The following RIMS1 variants were observed in gnomAD, a reference collection of about 807,000 sequenced individuals.
RIMS1 encodes the protein regulating synaptic membrane exocytosis 1.
RIMS1 carries 83 observed loss-of-function variants against 214.1 expected under a neutral mutation model. The ratio of observed to expected loss-of-function variants is 0.39; its 90% CI spans 0.32 to 0.47. The LOEUF is 0.47. RIMS1 is among the 20% of genes least tolerant of loss of function. The pLI is 0.99. For missense variants in RIMS1, 2,050 were observed against 2,161.8 expected, an observed-to-expected ratio of 0.95 and a Z score of 1.03; for synonymous variants, 793 against 786.8, an observed-to-expected ratio of 1.01 and a Z score of -0.13.
chr6:72,302,865 T>C (rs1165682989), intron 26 of RIMS1, among the ~76,000 whole-genome samples: 3 of 151,232 alleles, frequency 2.0e-5, no homozygotes, highest in Admixed American at 6.6e-5. Flanking sequence ...TCTGTCCTTT[T>C]ACAGTCATAT....
chr6:72,110,055 A>C (rs1442397967), intron 4 of RIMS1, among the ~76,000 whole-genome samples: 3 of 151,600 alleles, frequency 2.0e-5, no homozygotes, highest in Non-Finnish European at 4.4e-5. Flanking sequence ...TGTTCCATTT[A>C]TCTATATCTC....
chr6:72,099,856 T>C, intron 3 of RIMS1, 119 bp from the exon 4 acceptor site: 1 of 747,090 alleles, frequency 1.3e-6, no homozygotes, highest in Non-Finnish European at 2.3e-6. Flanking sequence ...TGTGCTTTAA[T>C]ACTTTGAAGA....
chr6:72,147,309 GA>G (rs1399903016), intron 4 of RIMS1, among the ~76,000 whole-genome samples: 2 of 152,130 alleles, frequency 1.3e-5, no homozygotes, highest in Non-Finnish European at 2.9e-5. Context: ...CAGAGAGACA[GA>G]AAATTGAGTA....
intron 23 of RIMS1, among the ~76,000 whole-genome samples, chr6:72,283,506 A>G (rs2091132273): frequency 1.3e-5 from 2 of 151,510 alleles, no homozygotes; most frequent in Admixed American, 6.6e-5. Flanking sequence ...TGATTTTAAT[A>G]CTTTATATAA....
At chr6:71,961,930 G>A (rs1793066739) in intron 1 of RIMS1, among the ~76,000 whole-genome samples, 1 of 152,162 alleles carries the variant, frequency 6.6e-6, no homozygotes, top group East Asian at 1.9e-4. Context: ...GAATATGTAG[G>A]GAATGATGGC....
intron 9 of RIMS1, among the ~76,000 whole-genome samples, chr6:72,240,335 T>A (rs1171566166): frequency 6.6e-6 from 1 of 152,170 alleles, no homozygotes; most frequent in Non-Finnish European, 1.5e-5. Flanking sequence ...AACTGCTGGT[T>A]GCAGCTCATT....
intron 1 of RIMS1, among the ~76,000 whole-genome samples, chr6:71,904,204 T>C (rs1478588075): frequency 1.3e-5 from 2 of 152,150 alleles, no homozygotes; most frequent in Non-Finnish European, 2.9e-5. Context: ...CATTTCATGG[T>C]TGCAGAGTAA....
At chr6:72,255,943 G>A (rs2075627940) in intron 16 of RIMS1, among the ~76,000 whole-genome samples, 1 of 150,358 alleles carries the variant, frequency 6.7e-6, no homozygotes, top group Non-Finnish European at 1.5e-5. Flanking sequence ...GGCTGAGGCA[G>A]GAGAATCACT....
intron 6 of RIMS1, among the ~76,000 whole-genome samples, chr6:72,185,884 T>C (rs9791178): frequency 0.27 from 40,443 of 152,140 alleles, 6,153 homozygotes; most frequent in Non-Finnish European, 0.34. Context: ...TTTTTCCTTC[T>C]CCTCAATGTG....
At chr6:72,220,058 C>T (rs1356868632) in intron 6 of RIMS1, among the ~76,000 whole-genome samples, 4 of 151,922 alleles carry the variant, frequency 2.6e-5, no homozygotes, top group Non-Finnish European at 5.9e-5. Context: ...GAGGTGAGTT[C>T]CCTTGCTCTC....
chr6:72,262,567 G>C (rs1211477518), intron 19 of RIMS1: 3 of 979,628 alleles, frequency 3.1e-6, no homozygotes, highest in Admixed American at 6.2e-5. Flanking sequence ...TATGGAGATA[G>C]AGACAACATG....
rs1388288136 is a variant in RIMS1, at chr6:72,179,731, G to A, written c.628G>A (p.Ala210Thr). Residue 210 changes from alanine (A) to threonine (T), a missense_variant, in exon 5 of 34, where the codon GCA becomes ACA. Ala to Thr is a moderately conservative substitution (Grantham distance 58). Around this residue, in one of 6 missense-constraint regions of RIMS1, gnomAD observed 882 missense variants for 828.9 expected, o/e 1.06. Transcript: ENST00000521978. ...CTCTGAGGTACCAAGAGAAAAGAAA[G>A]CACGACTCCAAGAGCGATCGCGGTC... ...AGSEVPREKK[A>T]RLQERSRSQT... The A allele has an allele frequency of 2.5e-6, 4 of 1,613,726 alleles. No individual in the cohort carries two copies. Among genetic ancestry groups the A allele is most frequent in the Non-Finnish European group, 3.4e-6 (4 of 1,179,880 alleles).
chr6:72,372,162 T>G (rs1310007217), intron 29 of RIMS1, among the ~76,000 whole-genome samples: 1 of 152,208 alleles, frequency 6.6e-6, no homozygotes, highest in Non-Finnish European at 1.5e-5. Flanking sequence ...TAATCTGTGT[T>G]GGACAGGCCA....
intron 2 of RIMS1, among the ~76,000 whole-genome samples, chr6:72,053,337 T>C (rs1317369468): frequency 6.6e-6 from 1 of 152,228 alleles, no homozygotes; most frequent in Non-Finnish European, 1.5e-5. Flanking sequence ...TTAATTTCTT[T>C]CTGTGTTTCT....
chr6:72,126,783 A>G (rs13200546), intron 4 of RIMS1: 1 of 228,586 alleles, frequency 4.4e-6, no homozygotes, highest in Non-Finnish European at 8.7e-6. Flanking sequence ...AAAAAAAAAA[A>G]GATGGTGACC....
intron 4 of RIMS1, among the ~76,000 whole-genome samples, chr6:72,105,303 T>C (rs2034520020): frequency 6.6e-6 from 1 of 152,148 alleles, no homozygotes; most frequent in Non-Finnish European, 1.5e-5. Flanking sequence ...TCATATATAA[T>C]TATTTTTATT....
intron 2 of RIMS1, among the ~76,000 whole-genome samples, chr6:71,986,663 T>C (rs1800064655): frequency 6.6e-6 from 1 of 152,170 alleles, no homozygotes; most frequent in Non-Finnish European, 1.5e-5. Context: ...AGATGTGTAG[T>C]TGATAAGAAG....
At chr6:72,301,000 G>A (rs187873515) in intron 26 of RIMS1, among the ~76,000 whole-genome samples, 10 of 151,764 alleles carry the variant, frequency 6.6e-5, no homozygotes, top group South Asian at 6.2e-4. Flanking sequence ...TTAAAAGTCC[G>A]TAAGGCAATG....
intron 22 of RIMS1, among the ~76,000 whole-genome samples, chr6:72,270,212 T>C (rs1239945235): frequency 1.3e-5 from 2 of 152,158 alleles, no homozygotes; most frequent in Non-Finnish European, 2.9e-5. Context: ...ATATCATAGG[T>C]CTTGTTTCAG....
Sources: gnomAD v4.1 joint callset for allele counts (sites outside exome capture counted in the v4.1 genomes callset) on GRCh38, gnomAD v4.1.1 for gene constraint, gnomAD v4.1.1 regional missense constraint, MANE v1.5 for transcripts, NCBI Gene and HGNC (gene_info 2026-07-23, HGNC 2026-07-21) for gene names.